SNX31: variants seen among roughly 807,000 people sequenced by gnomAD.
SNX31 encodes sorting nexin 31.
In SNX31, 58 loss-of-function variants were observed where a neutral mutation model predicts 65.4. The observed-to-expected ratio is 0.89, with a 90% confidence interval of 0.72 to 1.10. The LOEUF (loss-of-function observed/expected upper bound fraction) is 1.10, where lower values mean the gene tolerates loss of function less well. Among genes scored for constraint, SNX31 ranks in the 50% least tolerant of loss-of-function variants. The pLI is 0.00. For missense variants in SNX31, 523 were observed against 529.7 expected (o/e 0.99, Z 0.12); for synonymous variants, 181 against 190.1 (o/e 0.95, Z 0.39).
rs1817980822 is a variant in SNX31 at position 100,625,410 on chromosome 8, C to T, written c.321+4917G>A. 1.3e-5 allele frequency among the ~76,000 whole-genome samples: 2 copies of T among 151,782 alleles called. No individual in the cohort carries two copies. Among genetic ancestry groups the T allele is most frequent in the East Asian group, 2.0e-4 (1 of 5,100 alleles). On this transcript the variant is annotated intron_variant, in intron 4 of 13. Coordinates refer to ENST00000311812, the MANE Select transcript of SNX31 (RefSeq NM_152628.4). The surrounding 1 kb of genome is among the most constrained non-coding windows in gnomAD (Gnocchi z 4.2). ...TTGGATGCGCACCATGGCTATTAGA[C>T]ATTCCTCTGCCTCAGAGCAGAATAG...
chr8:100,649,527 T>C lies in SNX31; in HGVS notation c.-13A>G, dbSNP rs1421142606. 1.5e-5 allele frequency: 23 copies of C among 1,559,516 alleles called. No individual in the cohort carries two copies. Among genetic ancestry groups the C allele is most frequent in the Non-Finnish European group, 2.0e-5 (23 of 1,152,402 alleles). On this transcript the variant is annotated 5_prime_UTR_variant, in exon 1 of 14. Coordinates refer to ENST00000311812, the MANE Select transcript of SNX31 (RefSeq NM_152628.4). ...AATGCATCTTCATGGCTGAGCGGTG[T>C]CTTGGGAGTAGCGCTGGGAACCCGA...
intron 4 of SNX31, among the ~76,000 whole-genome samples, chr8:100,624,534 G>A (rs1355252650): frequency 1.3e-5 from 2 of 152,084 alleles, no homozygotes; most frequent in Non-Finnish European, 2.9e-5. Context: ...ACATTTTAGA[G>A]CAATATAATA....
chr8:100,588,024 A>C lies in SNX31; in HGVS notation c.1092+842T>G, dbSNP rs780243204. ...ATAAACCTGTACAGTATGCTACTAT[A>C]CTGAATAAATTCTGAGGCAATTGTA... is the stretch of plus-strand genomic sequence containing the variant. On this transcript the variant is annotated intron_variant, in intron 11 of 13. Coordinates refer to ENST00000311812, the MANE Select transcript of SNX31 (RefSeq NM_152628.4). This position sits in a 1 kb window ranked among gnomAD's most constrained non-coding sequence, Gnocchi z 4.8. Among the ~76,000 whole-genome samples, 1 of 152,210 alleles carries C rather than the reference A, an allele frequency of 6.6e-6. No individual in the cohort carries two copies. The highest frequency in any genetic ancestry group is 2.4e-5 in the African/African-American group (1 of 41,456).
At position 100,613,152 on chromosome 8, in the gene SNX31, T is replaced by C. The variant is rs1198004878; in HGVS notation, c.433-67A>G. ...CCCACCATGCATCCTAACTGTGACA[T>C]GCAGACTTGGAAATGGCCGGTACAC... On this transcript the variant is annotated intron_variant, in intron 5 of 13. Coordinates refer to ENST00000311812, the MANE Select transcript of SNX31 (RefSeq NM_152628.4). This position sits in a 1 kb window ranked among gnomAD's most constrained non-coding sequence, Gnocchi z 5.2. The C allele has an allele frequency of 7.0e-6, 9 of 1,278,652 alleles. No individual in the cohort carries two copies. The highest frequency in any genetic ancestry group is 1.2e-5 in the South Asian group (1 of 83,238). The allele number at this position is 1,278,652 out of a possible 1,614,324, so 79.2% of individuals were successfully genotyped here. A position where few individuals can be genotyped will look rare whatever the true frequency, so the allele number is the denominator to read the frequency against.
At chr8:100,596,277 G>A (rs1815084015) in intron 10 of SNX31, among the ~76,000 whole-genome samples, 3 of 152,216 alleles carry the variant, frequency 2.0e-5, no homozygotes, top group Admixed American at 2.0e-4. Context: ...TGTAAGAAGA[G>A]CTCTGCCAGT....
At chr8:100,581,356 T>TAA (rs1563511050) in intron 12 of SNX31, among the ~76,000 whole-genome samples, 1 of 147,016 alleles carries the variant, frequency 6.8e-6, no homozygotes, top group African/African-American at 2.5e-5. Flanking sequence ...TATATATATA[T>TAA]AATTTAAGAA....
Position 100,600,383 on chromosome 8 carries a change from A to G in SNX31, c.740T>C (p.Leu247Ser), listed in dbSNP as rs755487233. The G allele has an allele frequency of 5.0e-6, 8 of 1,613,670 alleles. No homozygotes were observed. In the Admixed American group the frequency reaches 1.3e-4, roughly 27 times the overall value. The change falls in exon 9 of 14, where the codon TTA becomes TCA. Residue 247 changes from leucine (L) to serine (S), a missense_variant. Coordinates refer to ENST00000311812, the MANE Select transcript of SNX31 (RefSeq NM_152628.4). Reference sequence around the variant, plus strand: ...ACTGTCTTCTTTCTGGAAAGCTTCTAATTTCTGCCTCTGTGCCTGTGTGGG... The same window carrying G: ...ACTGTCTTCTTTCTGGAAAGCTTCTGATTTCTGCCTCTGTGCCTGTGTGGG... ...AKPTQAQRQKLEAFQKEDSQT... is the reference protein window; with the variant it reads ...AKPTQAQRQKSEAFQKEDSQT...
intron 11 of SNX31, among the ~76,000 whole-genome samples, chr8:100,584,742 CTTTTTCTTTTTT>C (rs1018131543): frequency 1.4e-5 from 2 of 146,716 alleles, no homozygotes; most frequent in Admixed American, 1.4e-4. Flanking sequence ...TTTTCTTTTT[CTTTTTCTTTTTT>C]TTTTTTTTTT....
At position 100,578,208 on chromosome 8, in the gene SNX31, G is replaced by A. The variant is rs1373402808; in HGVS notation, c.1171-1133C>T. Among the ~76,000 whole-genome samples, 2 of 152,314 alleles carry A rather than the reference G, an allele frequency of 1.3e-5. No homozygotes were observed. Among genetic ancestry groups the A allele is most frequent in the East Asian group, 1.9e-4 (1 of 5,184 alleles). On this transcript the variant is annotated intron_variant, in intron 12 of 13. Coordinates refer to ENST00000311812, the MANE Select transcript of SNX31 (RefSeq NM_152628.4). This position sits in a 1 kb window ranked among gnomAD's most constrained non-coding sequence, Gnocchi z 4.7. ...TGAATCTGGAAAGGCAGAGTGCCTG[G>A]CACACCTAGTAAACACCACCTAGCC...
chr8:100,614,003 A>T lies in SNX31; in HGVS notation c.433-918T>A, dbSNP rs1816952144. Among the ~76,000 whole-genome samples, 1 of 152,200 alleles carries T rather than the reference A, an allele frequency of 6.6e-6. No homozygotes were observed. The highest frequency in any genetic ancestry group is 1.5e-5 in the Non-Finnish European group (1 of 68,022). ...CCAGTTCTCTAGGTGGCAGTTGTAC[A>T]AATACCAGGCTCACAGGGGGCCTTC... On this transcript the variant is annotated intron_variant, in intron 5 of 13. Transcript: ENST00000311812. The surrounding 1 kb of genome is among the most constrained non-coding windows in gnomAD (Gnocchi z 5.1).
intron 3 of SNX31, among the ~76,000 whole-genome samples, chr8:100,635,538 G>T (rs1818707099): frequency 7.0e-6 from 1 of 143,158 alleles, no homozygotes; most frequent in Non-Finnish European, 1.5e-5. Flanking sequence ...ACCATGCCCA[G>T]CCAGACTTCA....
In SNX31 at chr8:100,630,400, C is replaced by G. The variant is rs146848820; in HGVS notation, c.257-9G>C. On this transcript the variant is annotated splice_polypyrimidine_tract_variant and intron_variant, in intron 3 of 13. Coordinates refer to ENST00000311812, the MANE Select transcript of SNX31 (RefSeq NM_152628.4). The surrounding 1 kb of genome is among the most constrained non-coding windows in gnomAD (Gnocchi z 5.3). ...GTTTGGGTCCATGGTTACTGAAAAACATGGACGGTGAGCCAGGTTAGCATG... is the reference window on the plus strand; with the variant it reads ...GTTTGGGTCCATGGTTACTGAAAAAGATGGACGGTGAGCCAGGTTAGCATG... The G allele has an allele frequency of 1.3e-4, 213 of 1,611,012 alleles. No individual in the cohort carries two copies. The African/African-American group carries it at 2.3e-3, about 17-fold the overall frequency.
intron 12 of SNX31, among the ~76,000 whole-genome samples, chr8:100,580,398 C>T (rs1563509621): frequency 1.3e-5 from 2 of 152,036 alleles, no homozygotes; most frequent in South Asian, 4.2e-4. Flanking sequence ...TCCATTCCAC[C>T]CTTCTTCCTT....
chr8:100,618,399 T>C (rs1817420538), intron 4 of SNX31: 20 of 1,422,010 alleles, frequency 1.4e-5, no homozygotes, highest in African/African-American at 4.3e-5. Context: ...TAATTGTGGG[T>C]GGGGGCAGGG....
intron 9 of SNX31, 100 bp downstream of exon 9, chr8:100,600,249 T>C: frequency 5.3e-6 from 5 of 940,472 alleles, no homozygotes; most frequent in South Asian, 2.9e-5. Context: ...GCCCCACTTT[T>C]AGTGCTTGGT....
At chr8:100,662,271 C>G (rs537540821) in intron 1 of SNX31, among the ~76,000 whole-genome samples, 1 of 152,340 alleles carries the variant, frequency 6.6e-6, no homozygotes, top group East Asian at 1.9e-4. Flanking sequence ...TGAACCCAGA[C>G]AGTGTGATTC....
chr8:100,589,563 T>C (rs1814386874), intron 10 of SNX31, among the ~76,000 whole-genome samples: 1 of 152,164 alleles, frequency 6.6e-6, no homozygotes, highest in African/African-American at 2.4e-5. Flanking sequence ...CCCAAGTTTG[T>C]CGTGGTGGTT....
Position 100,657,042 on chromosome 8 carries a change from T to C in SNX31, c.-58+6100A>G, listed in dbSNP as rs543739635. On this transcript the variant is annotated intron_variant, in intron 1 of 5. Coordinates refer to the SNX31 transcript ENST00000520352. ...TGCTAATGAAGCTTACACAGAAAGA[T>C]GGCGTGCCATTGGATATTGTACCTT... Among the ~76,000 whole-genome samples the C allele has an allele frequency of 5.3e-5, 8 of 152,348 alleles. No individual in the cohort carries two copies. The East Asian group carries it at 1.5e-3, about 29-fold the overall frequency.
chr8:100,597,757 T>A (rs946484689), intron 9 of SNX31, among the ~76,000 whole-genome samples: 9 of 152,238 alleles, frequency 5.9e-5, no homozygotes, highest in African/African-American at 2.2e-4. Context: ...CTTTTCCCTC[T>A]GCTTCTGAAG....
Sources: gnomAD v4.1 joint callset for allele counts (sites outside exome capture counted in the v4.1 genomes callset) on GRCh38, gnomAD v4.1.1 for gene constraint, Gnocchi (gnomAD v3.1) non-coding constraint, MANE v1.5 for transcripts, NCBI Gene and HGNC (gene_info 2026-07-23, HGNC 2026-07-21) for gene names.